The following LAMA5 variants were observed in gnomAD, a reference collection of about 807,000 sequenced individuals.
LAMA5 encodes the protein laminin subunit alpha-5.
Under a neutral mutation model 433.4 loss-of-function variants are expected in LAMA5, and 260 were observed. The observed-to-expected ratio is 0.60, with a 90% CI of 0.54 to 0.66. LAMA5 has a LOEUF of 0.66. Among genes scored for constraint, LAMA5 ranks in the 30% least tolerant of loss-of-function variants. The pLI, the probability that LAMA5 is intolerant of heterozygous loss-of-function variation, is 0.00. For synonymous variants in LAMA5, 2,620 were observed against 2,226.6 expected (o/e 1.18, Z -4.97); for missense variants, 5,378 against 5,258.5 (o/e 1.02, Z -0.70).
At chr20:62,360,590 AT>A (rs1349936696) in intron 2 of LAMA5, among the ~76,000 whole-genome samples, 7 of 2,100 alleles carry the variant, frequency 3.3e-3, no homozygotes, top group East Asian at 0.25. Flanking sequence ...GGGTAGAAGG[AT>A]AGGTAGGTGG....
chr20:62,317,838 A>AT (rs1987130723), intron 53 of LAMA5, 60 bp from the exon 54 acceptor site: 1 of 616,914 alleles, frequency 1.6e-6, no homozygotes, highest in Non-Finnish European at 2.3e-6. Context: ...AAAGGATGTG[A>AT]TGGGGTGGAC....
chr20:62,325,502 C>A lies in LAMA5; in HGVS notation c.5343G>T (p.Glu1781Asp). 6.2e-7 allele frequency: 1 copy of A among 1,612,730 alleles called. No individual in the cohort carries two copies. Among genetic ancestry groups the A allele is most frequent in the Non-Finnish European group, 8.5e-7 (1 of 1,179,838 alleles). The change falls in exon 41 of 80, where the codon GAG becomes GAT. Residue 1781 changes from glutamate (E) to aspartate (D), a missense_variant. By Grantham distance (45) the Glu-to-Asp change is conservative. Coordinates refer to ENST00000252999, the MANE Select transcript of LAMA5 (RefSeq NM_005560.6). Reference sequence around the variant, plus strand: ...GGCTGGCCAGCACCATCATGAGCTCCTCGCGGGACACAGTGTTGCGCGTCT... The same window carrying A: ...GGCTGGCCAGCACCATCATGAGCTCATCGCGGGACACAGTGTTGCGCGTCT... ...HTETRNTVSR[E>D]ELMMVLASLE...
chr20:62,311,191 A>G lies in LAMA5; in HGVS notation c.10059T>C (p.Phe3353=). 1 of 1,606,778 alleles carries G rather than the reference A, an allele frequency of 6.2e-7. No homozygotes were observed. The highest frequency in any genetic ancestry group is 8.5e-7 in the Non-Finnish European group (1 of 1,177,332). ...TCCTATGTCGGGCCAGGATGCCCAC[A>G]AACTCCAGGTGACTGGACAGGGAAC... The part of the protein sequence containing the change: ...FGGSLSSHLE[F]VGILARHRNW... Residue 3353 remains phenylalanine, a synonymous_variant, in exon 73 of 80, where the codon TTT becomes TTC. Coordinates refer to ENST00000252999, the MANE Select transcript of LAMA5 (RefSeq NM_005560.6).
At position 62,330,746 on chromosome 20, in the gene LAMA5, G is replaced by T; in HGVS notation, c.3849C>A (p.Pro1283=). 1 of 1,559,768 alleles carries T rather than the reference G, an allele frequency of 6.4e-7. No individual in the cohort carries two copies. Residue 1283 remains proline, a synonymous_variant, in exon 30 of 80, where the codon CCC becomes CCA. Transcript: ENST00000252999. ...CTCTAGAGACTATGGCCCTCACCTG[G>T]GGCTCACGCAGCAGGGTGGGCTCTG... ...PDAEPTLLRE[P]QATVVFTTHV...
In LAMA5 at chr20:62,359,882, C is replaced by T. The variant is rs924965350; in HGVS notation, c.450+2518G>A. ...ATCCGAACCGTGATGCAGCCCACCC[C>T]GCCCTCCTCAGCCTTCCAGGAGCAG... On this transcript the variant is annotated intron_variant, in intron 2 of 79. Coordinates refer to ENST00000252999, the MANE Select transcript of LAMA5 (RefSeq NM_005560.6). This position sits in a 1 kb window ranked among gnomAD's most constrained non-coding sequence, Gnocchi z 4.3. Among the ~76,000 whole-genome samples, 2 of 152,058 alleles carry T rather than the reference C, an allele frequency of 1.3e-5. No individual in the cohort carries two copies. Among genetic ancestry groups the T allele is most frequent in the South Asian group, 4.1e-4 (2 of 4,824 alleles).
chr20:62,322,618 A>G (rs1314881042), intron 46 of LAMA5, 40 bp downstream of exon 46: 1 of 1,435,786 alleles, frequency 7.0e-7, no homozygotes, highest in African/African-American at 1.4e-5. Context: ...TCTAGTCCCT[A>G]GGCCCCACCC....
Position 62,346,509 on chromosome 20 carries a change from G to A in LAMA5, c.1279C>T (p.Arg427Cys), listed in dbSNP as rs929048129. Residue 427 changes from arginine to cysteine, a missense_variant, in exon 9 of 80, where the codon CGC becomes TGC. Coordinates refer to ENST00000252999, the MANE Select transcript of LAMA5 (RefSeq NM_005560.6). ...NHPLDSPHVC[R>C]RCNCESDFTD... ...CCGCCCAGCTGAGCCCACTCACGGC[G>A]GCAGACGTGGGGCGAGTCGAGAGGG... 2.2e-5 allele frequency: 34 copies of A among 1,550,912 alleles called. No homozygotes were observed. Among genetic ancestry groups the A allele is most frequent in the South Asian group, 5.9e-5 (5 of 84,142 alleles).
At position 62,311,190 on chromosome 20, in the gene LAMA5, C is replaced by G; in HGVS notation, c.10060G>C (p.Val3354Leu). The G allele has an allele frequency of 6.2e-7, 1 of 1,606,616 alleles. No individual in the cohort carries two copies. The highest frequency in any genetic ancestry group is 2.2e-5 in the East Asian group (1 of 44,836). ...TTCCTATGTCGGGCCAGGATGCCCA[C>G]AAACTCCAGGTGACTGGACAGGGAA... ...GGSLSSHLEF[V>L]GILARHRNWP... The change falls in exon 73 of 80, where the codon GTG (valine) becomes CTG (leucine). Residue 3354 changes from valine (V) to leucine (L), a missense_variant. Coordinates refer to ENST00000252999, the MANE Select transcript of LAMA5 (RefSeq NM_005560.6).
At chr20:62,361,689 C>G (rs1601435124) in intron 2 of LAMA5, among the ~76,000 whole-genome samples, 1 of 152,350 alleles carries the variant, frequency 6.6e-6, no homozygotes, top group South Asian at 2.1e-4. Flanking sequence ...CCTGCCCCAC[C>G]ACTGTCCCTG....
In LAMA5 at chr20:62,315,041, G is replaced by T; in HGVS notation, c.8034C>A (p.Asp2678Glu). The change falls in exon 59 of 80, where the codon GAC (aspartate) becomes GAA (glutamate). Residue 2678 changes from aspartate to glutamate, a missense_variant. Transcript: ENST00000252999. The stretch of plus-strand genomic sequence containing the variant: ...CCATGGGCGCACCTGAGTGGCCTGC[G>T]TCAAGCACTGCCTGGCCCAGGTCCT... ...RGQDLGQAVL[D>E]AGHSVSTLEK... The T allele has an allele frequency of 6.3e-7, 1 of 1,595,008 alleles. No homozygotes were observed. Among genetic ancestry groups the T allele is most frequent in the South Asian group, 1.1e-5 (1 of 90,144 alleles).
intron 2 of LAMA5, among the ~76,000 whole-genome samples, chr20:62,353,585 T>C (rs1023233478): frequency 1.3e-5 from 2 of 152,072 alleles, no homozygotes; most frequent in African/African-American, 2.4e-5. Context: ...TGGAGCAAGC[T>C]AGGGAGAGGC....
chr20:62,351,278 T>G, intron 6 of LAMA5: 1 of 232,594 alleles, frequency 4.3e-6, no homozygotes, highest in Non-Finnish European at 8.6e-6. Context: ...ACCCCCAAAG[T>G]GAATTAGGGC....
chr20:62,323,874 G>A lies in LAMA5; in HGVS notation c.5769-18C>T, dbSNP rs143380509. ...CGGCGAAGCTGCAAAGACCAGCAGCGTCAGTCACTAGGCCCCTGGCAGTGC... is the reference window on the plus strand; with the variant it reads ...CGGCGAAGCTGCAAAGACCAGCAGCATCAGTCACTAGGCCCCTGGCAGTGC... On this transcript the variant is annotated intron_variant, in intron 43 of 79. Transcript: ENST00000252999. 57 of 1,590,860 alleles carry A rather than the reference G, an allele frequency of 3.6e-5. No homozygotes were observed. Among genetic ancestry groups the A allele is most frequent in the South Asian group, 2.1e-4 (19 of 88,762 alleles).
Position 62,337,791 on chromosome 20 carries a change from C to G in LAMA5, c.2026+13G>C, listed in dbSNP as rs774298442. On this transcript the variant is annotated intron_variant, in intron 15 of 79. Transcript: ENST00000252999. ...GCACCTGCCTCCCCACCACTTCCTC[C>G]CTAGGCACTCACGGACACAGCTGGG... The G allele has an allele frequency of 1.1e-5, 17 of 1,611,586 alleles. No homozygotes were observed. The highest frequency in any genetic ancestry group is 1.4e-5 in the Non-Finnish European group (16 of 1,179,300).
intron 11 of LAMA5, among the ~76,000 whole-genome samples, chr20:62,342,633 C>T (rs979197800): frequency 4.6e-5 from 7 of 152,006 alleles, no homozygotes; most frequent in African/African-American, 9.7e-5. Context: ...GAGCCGAGAT[C>T]GTGCCACTGC....
chr20:62,336,432 CA>C lies in LAMA5; in HGVS notation c.2230del (p.Cys744ValfsTer22), dbSNP rs1435273465. On this transcript the variant is annotated frameshift_variant, in exon 18 of 80. Coordinates refer to ENST00000252999, the MANE Select transcript of LAMA5 (RefSeq NM_005560.6). LOFTEE classifies it high-confidence loss of function. Reference sequence around the variant, plus strand: ...CCCCTCCACGTGAGCCCGGCACATACAGGGAACCTGTGCCTGGGAGAGGACA... The same window carrying C: ...CCCCTCCACGTGAGCCCGGCACATACGGGAACCTGTGCCTGGGAGAGGACA... ...DPALPEAQVPCMCRAHVEGPS... is the reference protein window; with the variant it reads ...DPALPEAQVPXMCRAHVEGPS... 1 of 1,612,260 alleles carries C rather than the reference CA, an allele frequency of 6.2e-7. No individual in the cohort carries two copies. The highest frequency in any genetic ancestry group is 8.5e-7 in the Non-Finnish European group (1 of 1,179,652).
rs940424620 is a variant in LAMA5, at chr20:62,335,196, C to T, written c.2376+21G>A. The T allele has an allele frequency of 6.2e-6, 10 of 1,612,858 alleles. No individual in the cohort carries two copies. In the South Asian group the frequency reaches 8.8e-5, roughly 14 times the overall value. Reference sequence around the variant, plus strand: ...GACCAGTGTGCCCCCAAATCCCCCACACCTTGGTCCTCAGACTCACCGGCT... The same window carrying T: ...GACCAGTGTGCCCCCAAATCCCCCATACCTTGGTCCTCAGACTCACCGGCT... On this transcript the variant is annotated intron_variant, in intron 19 of 79. Coordinates refer to ENST00000252999, the MANE Select transcript of LAMA5 (RefSeq NM_005560.6).
chr20:62,337,544 A>G, intron 16 of LAMA5, 46 bp downstream of exon 16: 1 of 1,562,552 alleles, frequency 6.4e-7, no homozygotes. Flanking sequence ...GCACAGACCC[A>G]CACACAGGCC....
Position 62,324,266 on chromosome 20 carries a change from C to T in LAMA5, c.5644-62G>A, listed in dbSNP as rs1443791710. On this transcript the variant is annotated intron_variant, in intron 42 of 79. Transcript: ENST00000252999. The surrounding 1 kb of genome is among the most constrained non-coding windows in gnomAD (Gnocchi z 4.4). The stretch of plus-strand genomic sequence containing the variant: ...CCCACATCCTACTGCCGAGTCTGTG[C>T]AGCTCCCACCACCCCTGCCTCAGAC... 3.2e-6 allele frequency: 5 copies of T among 1,558,264 alleles called. No homozygotes were observed. Among genetic ancestry groups the T allele is most frequent in the Non-Finnish European group, 4.3e-6 (5 of 1,157,576 alleles).
Sources: allele counts gnomAD v4.1 joint callset (sites outside exome capture counted in the v4.1 genomes callset), GRCh38; gene constraint gnomAD v4.1.1; non-coding constraint Gnocchi (gnomAD v3.1); transcripts MANE v1.5; gene names NCBI Gene and HGNC (gene_info 2026-07-23, HGNC 2026-07-21).